The following COL25A1 variants were observed in gnomAD, a reference collection of about 807,000 sequenced individuals.
The protein encoded by COL25A1 is collagen alpha-1(XXV) chain.
COL25A1 carries 103 observed loss-of-function variants against 128.4 expected under a neutral mutation model. The ratio of observed to expected loss-of-function variants is 0.80; its 90% CI spans 0.68 to 0.94. The LOEUF is 0.94. Ranked by LOEUF, COL25A1 falls within the 40% of genes least tolerant of loss-of-function variation. The pLI is 0.00. For synonymous variants in COL25A1, 279 were observed against 277.2 expected, an observed-to-expected ratio of 1.01 and a Z score of -0.06; for missense variants, 745 against 840.0, an observed-to-expected ratio of 0.89 and a Z score of 1.40.
rs552062224 is a variant in COL25A1 at position 109,253,608 on chromosome 4, C to G, written c.367+46975G>C. 2.0e-5 allele frequency among the ~76,000 whole-genome samples: 3 copies of G among 152,172 alleles called. No homozygotes were observed. The East Asian group carries it at 5.8e-4, about 29-fold the overall frequency. On this transcript the variant is annotated intron_variant, in intron 3 of 37. Transcript: ENST00000399132. ...AATATTTGGGTACCATATAGCCCAG[C>G]CAAGTTGACACACAAAATTAACTAT... is the stretch of plus-strand genomic sequence containing the variant.
chr4:109,223,945 G>T (rs554763333), intron 3 of COL25A1, among the ~76,000 whole-genome samples: 1 of 152,060 alleles, frequency 6.6e-6, no homozygotes, highest in Admixed American at 6.5e-5. Context: ...TATATCTACC[G>T]ATTTTGAAAT....
At chr4:109,086,594 C>T (rs1168295121) in intron 3 of COL25A1, among the ~76,000 whole-genome samples, 3 of 152,170 alleles carry the variant, frequency 2.0e-5, no homozygotes, top group African/African-American at 7.2e-5. Flanking sequence ...TCTAATCAGC[C>T]TTCCTGATTC....
intron 3 of COL25A1, among the ~76,000 whole-genome samples, chr4:109,068,213 T>C (rs1470870774): frequency 1.3e-5 from 2 of 152,284 alleles, no homozygotes; most frequent in Non-Finnish European, 2.9e-5. Context: ...ATCAAAGTCT[T>C]CCTAATGACA....
intron 3 of COL25A1, among the ~76,000 whole-genome samples, chr4:109,208,930 A>G (rs1302297951): frequency 6.6e-6 from 1 of 152,212 alleles, no homozygotes; most frequent in Non-Finnish European, 1.5e-5. Flanking sequence ...TGCTTTTAGC[A>G]CTGTGCTGAG....
chr4:108,831,796 C>A (rs796389737), intron 32 of COL25A1, among the ~76,000 whole-genome samples: 6 of 151,828 alleles, frequency 4.0e-5, no homozygotes, highest in African/African-American at 1.2e-4. Flanking sequence ...TCTTTTTTCC[C>A]CCAAAAGATA....
At chr4:108,849,068 A>G (rs1176078214) in intron 26 of COL25A1, among the ~76,000 whole-genome samples, 1 of 152,054 alleles carries the variant, frequency 6.6e-6, no homozygotes, top group African/African-American at 2.4e-5. Context: ...GCTAAAAAAG[A>G]GTGGTCAAGG....
At chr4:108,838,008 G>A in intron 31 of COL25A1, 1 of 893,776 alleles carries the variant, frequency 1.1e-6, no homozygotes, top group Non-Finnish European at 1.8e-6. Context: ...AACCTCAACA[G>A]TACGAGCTGC....
chr4:109,235,293 T>C (rs899255258), intron 3 of COL25A1, among the ~76,000 whole-genome samples: 3 of 152,076 alleles, frequency 2.0e-5, no homozygotes, highest in African/African-American at 7.2e-5. Context: ...TGACAAAAAA[T>C]TGTAAGCAAA....
intron 11 of COL25A1, among the ~76,000 whole-genome samples, chr4:108,936,521 C>T (rs1158888289): frequency 2.6e-5 from 4 of 152,012 alleles, no homozygotes; most frequent in African/African-American, 4.8e-5. Context: ...GAGCCGAGAT[C>T]GCGCCACTGC....
intron 3 of COL25A1, among the ~76,000 whole-genome samples, chr4:109,173,447 A>T (rs1452135087): frequency 2.6e-5 from 4 of 152,166 alleles, no homozygotes; most frequent in Non-Finnish European, 5.9e-5. Context: ...TATTATGGGA[A>T]ATCTTATTTT....
In COL25A1 at chr4:108,814,071, T is replaced by C. The variant is rs543796179; in HGVS notation, c.1963-142A>G. Reference sequence around the variant, plus strand: ...AACTGACTGGCTATCAATGAGCCAATTGATTATCTGATATGTGTGCTATAT... The same window carrying C: ...AACTGACTGGCTATCAATGAGCCAACTGATTATCTGATATGTGTGCTATAT... On this transcript the variant is annotated intron_variant, in intron 37 of 37. Coordinates refer to ENST00000399132, the MANE Select transcript of COL25A1 (RefSeq NM_198721.4). 5.1e-5 allele frequency: 33 copies of C among 641,660 alleles called. No individual in the cohort carries two copies. In the African/African-American group the frequency reaches 5.3e-4, roughly 10 times the overall value. 39.7% of individuals were successfully genotyped at this position (641,660 alleles called of 1,614,324 possible).
intron 3 of COL25A1, among the ~76,000 whole-genome samples, chr4:109,057,683 T>G (rs1308040595): frequency 6.6e-6 from 1 of 152,120 alleles, no homozygotes; most frequent in Non-Finnish European, 1.5e-5. Flanking sequence ...ATTCTCAACA[T>G]TATGTGATCA....
In COL25A1 at chr4:109,178,705, G is replaced by A. The variant is rs531630433; in HGVS notation, c.367+121878C>T. ...AAAAAATTAGCCAGGTGTGGTGGCG[G>A]GCGCCTGTAGGCCCAGCTACTCAGG... On this transcript the variant is annotated intron_variant, in intron 3 of 37. Coordinates refer to ENST00000399132, the MANE Select transcript of COL25A1 (RefSeq NM_198721.4). Among the ~76,000 whole-genome samples, 164 of 151,746 alleles carry A rather than the reference G, an allele frequency of 1.1e-3. 1 individual carries two copies. Among genetic ancestry groups the A allele is most frequent in the African/African-American group, 3.8e-3 (159 of 41,386 alleles).
chr4:108,989,758 G>C (rs544663331), intron 6 of COL25A1, among the ~76,000 whole-genome samples: 1 of 152,094 alleles, frequency 6.6e-6, no homozygotes, highest in South Asian at 2.1e-4. Flanking sequence ...CATGTTTCTG[G>C]AACTGTTTTT....
chr4:109,106,340 A>C (rs1260646475), intron 3 of COL25A1, among the ~76,000 whole-genome samples: 1 of 152,146 alleles, frequency 6.6e-6, no homozygotes, highest in African/African-American at 2.4e-5. Context: ...AACTACACTG[A>C]CTTAAAATCA....
chr4:109,003,738 T>G lies in COL25A1; in HGVS notation c.438+6620A>C, dbSNP rs1755689979. Among the ~76,000 whole-genome samples the G allele has an allele frequency of 3.9e-5, 6 of 152,252 alleles. No individual in the cohort carries two copies. The South Asian group carries it at 1.2e-3, about 32-fold the overall frequency. On this transcript the variant is annotated intron_variant, in intron 6 of 37. Transcript: ENST00000399132. ...ATAGTTTGAACCCGGGAGGCAGGGT[T>G]GCAGTGAGCCAAGATCGCGCCATTG...
At chr4:109,159,600 G>A (rs941617604) in intron 3 of COL25A1, among the ~76,000 whole-genome samples, 2 of 152,060 alleles carry the variant, frequency 1.3e-5, no homozygotes, top group African/African-American at 2.4e-5. Flanking sequence ...TACGAAGCAT[G>A]GTTCACAATA....
chr4:109,293,856 C>T (rs1724710693), intron 3 of COL25A1, among the ~76,000 whole-genome samples: 1 of 151,946 alleles, frequency 6.6e-6, no homozygotes, highest in East Asian at 1.9e-4. Context: ...ACAGTGATTC[C>T]AAATGATTCT....
intron 3 of COL25A1, among the ~76,000 whole-genome samples, chr4:109,187,539 A>C (rs1775251752): frequency 6.6e-6 from 1 of 152,226 alleles, no homozygotes; most frequent in African/African-American, 2.4e-5. Context: ...GCAAAATGCT[A>C]AAAACAGTAG....
Sources: gnomAD v4.1 joint callset for allele counts (sites outside exome capture counted in the v4.1 genomes callset) on GRCh38, gnomAD v4.1.1 for gene constraint, MANE v1.5 for transcripts, NCBI Gene and HGNC (gene_info 2026-07-23, HGNC 2026-07-21) for gene names.